The following UGGT1 variants were observed in gnomAD, a reference collection of about 807,000 sequenced individuals.
UGGT1 encodes UDP-glucose glycoprotein glucosyltransferase 1, also known as UDP-glucose:glycoprotein glucosyltransferase 1.
UGGT1 carries 107 observed loss-of-function variants against 203.9 expected under a neutral mutation model. The observed-to-expected ratio is 0.52, with a 90% CI of 0.45 to 0.62. The LOEUF (loss-of-function observed/expected upper bound fraction) is 0.62. Among genes scored for constraint, UGGT1 ranks in the 20% least tolerant of loss-of-function variants. The probability of loss-of-function intolerance (pLI) is 0.00; values close to 1 mark genes in which losing one functional copy is unlikely to be tolerated. For synonymous variants in UGGT1, 628 were observed against 653.5 expected (o/e 0.96, Z 0.59); for missense variants, 1,673 against 1,867.2 (o/e 0.90, Z 1.92).
intron 31 of UGGT1, among the ~76,000 whole-genome samples, chr2:128,175,766 A>C (rs1691338539): frequency 6.6e-6 from 1 of 151,982 alleles, no homozygotes; most frequent in South Asian, 2.2e-4. Flanking sequence ...TCCCAGGAGC[A>C]TGGTGCCCCC....
chr2:128,187,161 A>G (rs1291068366), intron 39 of UGGT1: 3 of 311,050 alleles, frequency 9.6e-6, no homozygotes, highest in Non-Finnish European at 1.8e-5. Context: ...TGTTTTCACA[A>G]CTTACAATCT....
intron 17 of UGGT1, among the ~76,000 whole-genome samples, chr2:128,145,458 A>C (rs1689635407): frequency 6.6e-6 from 1 of 151,978 alleles, no homozygotes; most frequent in African/African-American, 2.4e-5. Flanking sequence ...TGACCGTAGA[A>C]TATGTAGTTC....
intron 18 of UGGT1, among the ~76,000 whole-genome samples, chr2:128,152,357 G>A (rs1460212957): frequency 6.6e-6 from 1 of 152,102 alleles, no homozygotes; most frequent in African/African-American, 2.4e-5. Flanking sequence ...AGTAAAGATG[G>A]CATGTTGGCC....
chr2:128,178,355 C>A, intron 33 of UGGT1, 113 bp from the exon 34 acceptor site: 4 of 909,472 alleles, frequency 4.4e-6, no homozygotes, highest in Non-Finnish European at 6.8e-6. Context: ...ACTCCTGCTG[C>A]AGCTCACCCG....
intron 18 of UGGT1, among the ~76,000 whole-genome samples, chr2:128,151,785 C>T (rs904153034): frequency 2.0e-5 from 3 of 152,014 alleles, no homozygotes; most frequent in Admixed American, 1.3e-4. Context: ...GTAGGAAGAT[C>T]CCTTGAGCCC....
Position 128,182,160 on chromosome 2 carries a change from G to T in UGGT1, c.4114G>T (p.Asp1372Tyr). The T allele has an allele frequency of 6.2e-7, 1 of 1,614,126 alleles. No homozygotes were observed. Among genetic ancestry groups the T allele is most frequent in the Non-Finnish European group, 8.5e-7 (1 of 1,179,996 alleles). The change falls in exon 37 of 41, where the codon GAT becomes TAT. Residue 1372 changes from aspartate (D) to tyrosine (Y), a missense_variant. This residue lies in a region of UGGT1 where 513 missense variants were observed against 684.1 expected (regional missense o/e 0.75). Coordinates refer to ENST00000259253, the MANE Select transcript of UGGT1 (RefSeq NM_020120.4). ...ACGAACAGATCTGAAAGAGTTAAGA[G>T]ATTTCAATTTGGATGGTGCTCCTTA... is the stretch of plus-strand genomic sequence containing the variant. ...IVRTDLKELRDFNLDGAPYGY... is the reference protein window; with the variant it reads ...IVRTDLKELRYFNLDGAPYGY...
rs757613750 is a variant in UGGT1, at chr2:128,133,152, C to T, written c.1389C>T (p.Asn463=). 6.2e-7 allele frequency: 1 copy of T among 1,613,924 alleles called. No homozygotes were observed. The highest frequency in any genetic ancestry group is 8.5e-7 in the Non-Finnish European group (1 of 1,179,884). The stretch of plus-strand genomic sequence containing the variant: ...GTTATTTTTTGTAGTGGGTCAACAA[C>T]CTGGAGGTTGATAGCAGATATAATT... ...IRSPAISWVN[N]LEVDSRYNSW... The change falls in exon 14 of 41, where the codon AAC becomes AAT. Residue 463 remains asparagine, a synonymous_variant. Transcript: ENST00000259253.
chr2:128,191,841 G>C lies in UGGT1; in HGVS notation c.*2099G>C, dbSNP rs1573648154. The C allele has an allele frequency of 6.6e-6, 1 of 152,384 alleles. No homozygotes were observed. Among genetic ancestry groups the C allele is most frequent in the Non-Finnish European group, 1.5e-5 (1 of 68,174 alleles). 9.4% of individuals were successfully genotyped at this position (152,384 alleles called of 1,614,324 possible). A position where few individuals can be genotyped will look rare whatever the true frequency, so the allele number is the denominator to read the frequency against. ...ACTGCACTCCAGCCTGGGTGACAGA[G>C]CGAGACTCCATCTCAGAAAACAAAC... On this transcript the variant is annotated 3_prime_UTR_variant, in exon 41 of 41. Transcript: ENST00000259253.
chr2:128,126,594 C>T (rs1057344556), intron 11 of UGGT1, among the ~76,000 whole-genome samples: 3 of 150,720 alleles, frequency 2.0e-5, no homozygotes, highest in Non-Finnish European at 4.4e-5. Context: ...CTCAGTCATT[C>T]GTTTGATGAA....
chr2:128,123,310 G>T, intron 11 of UGGT1, 64 bp downstream of exon 11: 1 of 1,425,276 alleles, frequency 7.0e-7, no homozygotes, highest in Non-Finnish European at 9.7e-7. Flanking sequence ...GGAAATCTGA[G>T]TTTAATCAGC....
chr2:128,107,101 T>C (rs1687642744), intron 3 of UGGT1, among the ~76,000 whole-genome samples: 1 of 152,216 alleles, frequency 6.6e-6, no homozygotes, highest in Non-Finnish European at 1.5e-5. Flanking sequence ...CTTCTGTTTC[T>C]TTCCTGCTTT....
intron 1 of UGGT1, among the ~76,000 whole-genome samples, chr2:128,091,755 T>C (rs1240826221): frequency 6.6e-6 from 1 of 152,220 alleles, no homozygotes; most frequent in African/African-American, 2.4e-5. Context: ...GAAGCAGCAC[T>C]TTGCAGGACC....
chr2:128,117,653 C>G (rs925689602), intron 8 of UGGT1, among the ~76,000 whole-genome samples: 5 of 151,406 alleles, frequency 3.3e-5, no homozygotes, highest in African/African-American at 1.2e-4. Flanking sequence ...ACGCTATTCT[C>G]CTGCCTTAGC....
At position 128,143,074 on chromosome 2, in the gene UGGT1, A is replaced by G. The variant is rs1689515933; in HGVS notation, c.1720-20A>G. ...TTGAACTTAAAAGTGTAGTTAACCAACTGTTTTTTCTTTCTTCAGATCTAT... is the reference window on the plus strand; with the variant it reads ...TTGAACTTAAAAGTGTAGTTAACCAGCTGTTTTTTCTTTCTTCAGATCTAT... On this transcript the variant is annotated intron_variant, in intron 16 of 40. Transcript: ENST00000259253. The G allele has an allele frequency of 1.3e-6, 2 of 1,572,244 alleles. No homozygotes were observed. The highest frequency in any genetic ancestry group is 1.4e-5 in the African/African-American group (1 of 72,724).
intron 2 of UGGT1, among the ~76,000 whole-genome samples, chr2:128,103,502 G>A (rs1161355189): frequency 6.6e-6 from 1 of 152,106 alleles, no homozygotes; most frequent in South Asian, 2.1e-4. Context: ...ATATTTTACT[G>A]TGGGAGAACT....
chr2:128,180,994 C>A lies in UGGT1; in HGVS notation c.4005C>A (p.Ile1335=), dbSNP rs1308470877. 3 of 1,614,068 alleles carry A rather than the reference C, an allele frequency of 1.9e-6. No homozygotes were observed. The East Asian group carries it at 6.7e-5, about 36-fold the overall frequency. The change falls in exon 36 of 41, where the codon ATC becomes ATA. Residue 1335 remains isoleucine, a synonymous_variant. Coordinates refer to ENST00000259253, the MANE Select transcript of UGGT1 (RefSeq NM_020120.4). The part of the protein sequence containing the change: ...LHQQTEKQRI[I]WGYKILFLDV... ...AACAAACTGAAAAACAGCGTATCATCTGGGGTTACAAGATCCTCTTCCTGG... is the reference window on the plus strand; with the variant it reads ...AACAAACTGAAAAACAGCGTATCATATGGGGTTACAAGATCCTCTTCCTGG...
chr2:128,187,308 A>G, intron 39 of UGGT1, 141 bp from the exon 40 acceptor site: 2 of 859,980 alleles, frequency 2.3e-6, no homozygotes, highest in Non-Finnish European at 3.5e-6. Context: ...GCCCACTACC[A>G]TATTGCTTCT....
chr2:128,174,897 T>A, intron 31 of UGGT1, 39 bp downstream of exon 31: 1 of 1,564,482 alleles, frequency 6.4e-7, no homozygotes, highest in Non-Finnish European at 8.7e-7. Context: ...CCCAGAACTT[T>A]TAGAAATGAG....
chr2:128,177,707 C>A, intron 32 of UGGT1, 125 bp from the exon 33 acceptor site: 1 of 737,624 alleles, frequency 1.4e-6, no homozygotes, highest in Non-Finnish European at 2.2e-6. Context: ...TGGGGTTGTG[C>A]CTGTTTGTGA....
Sources: allele counts gnomAD v4.1 joint callset (sites outside exome capture counted in the v4.1 genomes callset), GRCh38; gene constraint gnomAD v4.1.1; regional missense constraint gnomAD v4.1.1; transcripts MANE v1.5; gene names NCBI Gene and HGNC (gene_info 2026-07-23, HGNC 2026-07-21).